Variants in PCDHA2 observed in about 807,000 individuals in gnomAD.
PCDHA2 encodes protocadherin alpha-2.
Under a neutral mutation model 66.0 loss-of-function variants are expected in PCDHA2, and 58 were observed. The ratio of observed to expected loss-of-function variants is 0.88; its 90% CI spans 0.71 to 1.09. The LOEUF (loss-of-function observed/expected upper bound fraction) is 1.09. PCDHA2 is among the 50% of genes least tolerant of loss of function. PCDHA2 has a pLI of 0.00. For synonymous variants in PCDHA2, 634 were observed against 554.0 expected (o/e 1.14, Z -2.03); for missense variants, 1,267 against 1,242.3 (o/e 1.02, Z -0.30).
At chr5:140,935,232 A>G (rs2090253350) in intron 1 of PCDHA2, among the ~76,000 whole-genome samples, 1 of 152,110 alleles carries the variant, frequency 6.6e-6, no homozygotes, top group African/African-American at 2.4e-5. Context: ...AGGGATGTCT[A>G]TTTTTTAAAA....
Position 140,893,497 on chromosome 5 carries a change from GA to G in PCDHA2, c.2389-85443del, listed in dbSNP as rs1157700367. Among the ~76,000 whole-genome samples the G allele has an allele frequency of 3.1e-4, 47 of 150,168 alleles. No individual in the cohort carries two copies. The Middle Eastern group carries it at 0.01, about 33-fold the overall frequency. ...GCAAGACCCTGTTCTTCACAAAAAAGAAAAAAAAAGCAGTTGTAGAACTCCT... is the reference window on the plus strand; with the variant it reads ...GCAAGACCCTGTTCTTCACAAAAAAGAAAAAAAAGCAGTTGTAGAACTCCT... On this transcript the variant is annotated intron_variant, in intron 1 of 3. Transcript: ENST00000526136.
rs1554120815 is a variant in PCDHA2, at chr5:140,799,008, A to G, written c.2388+1656A>G. The stretch of plus-strand genomic sequence containing the variant: ...CATTTCCAAGTAATACTTGACCACT[A>G]TGTTTCTACCATAGGTAAATGATAA... On this transcript the variant is annotated intron_variant, in intron 1 of 3. Transcript: ENST00000526136. 3.3e-5 allele frequency among the ~76,000 whole-genome samples: 5 copies of G among 152,212 alleles called. No homozygotes were observed. The South Asian group carries it at 6.2e-4, about 19-fold the overall frequency.
chr5:140,921,364 T>G (rs2080173595), intron 1 of PCDHA2, among the ~76,000 whole-genome samples: 1 of 152,196 alleles, frequency 6.6e-6, no homozygotes, highest in Non-Finnish European at 1.5e-5. Flanking sequence ...TATTCAAGTT[T>G]CATATTTCTA....
intron 1 of PCDHA2, among the ~76,000 whole-genome samples, chr5:140,940,595 G>A (rs1233586288): frequency 2.0e-5 from 3 of 152,100 alleles, no homozygotes; most frequent in East Asian, 1.9e-4. Context: ...TTTCAGGCAT[G>A]AGCCGCTGCT....
chr5:140,876,954 G>T (rs1554169149), intron 1 of PCDHA2: 1 of 1,613,432 alleles, frequency 6.2e-7, no homozygotes, highest in Non-Finnish European at 8.5e-7. Context: ...CCTACTCGCT[G>T]GTGGAGCGGC....
chr5:140,828,847 C>A (rs2150159691), intron 1 of PCDHA2: 10 of 1,614,168 alleles, frequency 6.2e-6, no homozygotes, highest in Non-Finnish European at 8.5e-6. Flanking sequence ...TAAGAATATT[C>A]GAAAATGCAG....
rs1779165164 is a variant in PCDHA2, at chr5:140,843,975, T to C, written c.2388+46623T>C. ...TTTTTACTGAATATTTATTTTGGCCTGCCTTACAGCCGTCTTCTCTGAACA... is the reference window on the plus strand; with the variant it reads ...TTTTTACTGAATATTTATTTTGGCCCGCCTTACAGCCGTCTTCTCTGAACA... On this transcript the variant is annotated intron_variant, in intron 1 of 3. Transcript: ENST00000526136. 1.3e-5 allele frequency among the ~76,000 whole-genome samples: 2 copies of C among 149,640 alleles called. 1 individual carries two copies. The highest frequency in any genetic ancestry group is 3.0e-5 in the Non-Finnish European group (2 of 66,898).
intron 1 of PCDHA2, chr5:140,852,251 G>A: frequency 1.9e-6 from 1 of 527,556 alleles, no homozygotes; most frequent in Non-Finnish European, 2.5e-6. Flanking sequence ...ACACACTTTT[G>A]GAATATGCTA....
Position 140,852,587 on chromosome 5 carries a change from T to TTA in PCDHA2, c.2388+55236_2388+55237insAT, listed in dbSNP as rs201827177. On this transcript the variant is annotated intron_variant, in intron 1 of 3. Coordinates refer to ENST00000526136, the MANE Select transcript of PCDHA2 (RefSeq NM_018905.3). ...CACTGTGCCAAGGCTTTTTTATTTTTTTTTTTTGTCATTTTCTTTCAAAAC... is the reference window on the plus strand; with the variant it reads ...CACTGTGCCAAGGCTTTTTTATTTTTTATTTTTTTGTCATTTTCTTTCAAAAC... The TTA allele has an allele frequency of 1.9e-3, 1,677 of 881,866 alleles. 105 individuals carry two copies. The African/African-American group carries it at 0.023, about 12-fold the overall frequency. 54.6% of individuals were successfully genotyped at this position (881,866 alleles called of 1,614,324 possible). A position where few individuals can be genotyped will look rare whatever the true frequency, so the allele number is the denominator to read the frequency against.
chr5:140,874,676 G>A (rs1487161384), intron 1 of PCDHA2, among the ~76,000 whole-genome samples: 4 of 152,136 alleles, frequency 2.6e-5, no homozygotes, highest in African/African-American at 9.7e-5. Context: ...CTATTCCTGA[G>A]ATTTGTTTTA....
At chr5:140,941,290 T>A (rs1403658442) in intron 1 of PCDHA2, among the ~76,000 whole-genome samples, 1 of 69,836 alleles carries the variant, frequency 1.4e-5, no homozygotes, top group Non-Finnish European at 3.3e-5. Flanking sequence ...TCCTTTCTCT[T>A]TCTTTCTTTC....
Position 140,857,204 on chromosome 5 carries a change from T to C in PCDHA2, c.2388+59852T>C, listed in dbSNP as rs202111737. On this transcript the variant is annotated intron_variant, in intron 1 of 3. Coordinates refer to ENST00000526136, the MANE Select transcript of PCDHA2 (RefSeq NM_018905.3). ...TTCAGGAGCCAACGGACAGGTCACC[T>C]GCTCTCTGACGCCTCACGTTCCGTT... 221 of 1,598,644 alleles carry C rather than the reference T, an allele frequency of 1.4e-4. 20 individuals are homozygous for C. The highest frequency in any genetic ancestry group is 2.4e-4 in the Admixed American group (14 of 59,320).
In PCDHA2 at chr5:140,842,728, G is replaced by A. The variant is rs2150343168; in HGVS notation, c.2388+45376G>A. 2 of 1,595,050 alleles carry A rather than the reference G, an allele frequency of 1.3e-6. 1 individual carries two copies. Reference sequence around the variant, plus strand: ...CGGTGTTCGTGAAGGAGAACAACCCGCCGGGCTGCCACATCTTCACGGTGT... The same window carrying A: ...CGGTGTTCGTGAAGGAGAACAACCCACCGGGCTGCCACATCTTCACGGTGT... On this transcript the variant is annotated intron_variant, in intron 1 of 3. Transcript: ENST00000526136.
chr5:140,982,545 G>C lies in PCDHA2; in HGVS notation c.2518G>C (p.Val840Leu), dbSNP rs782544627. The change falls in exon 3 of 4, where the codon GTA becomes CTA. Residue 840 changes from valine (V) to leucine (L), a missense_variant. Val to Leu is a conservative substitution (Grantham distance 32). Transcript: ENST00000526136. The stretch of plus-strand genomic sequence containing the variant: ...AGGGCCTGATCAGCAGTGGCCAACA[G>C]TATCCAGTGCAACACCAGGTAAAGA... ...PGGPDQQWPT[V>L]SSATPEPEAG... The C allele has an allele frequency of 6.2e-6, 10 of 1,614,088 alleles. No individual in the cohort carries two copies. The East Asian group carries it at 2.2e-4, about 36-fold the overall frequency.
intron 1 of PCDHA2, chr5:140,829,845 T>C (rs2150176027): frequency 1.3e-5 from 21 of 1,613,782 alleles, no homozygotes; most frequent in Non-Finnish European, 8.5e-7. Context: ...CCGCGGTCAC[T>C]GGGTGCAGGC....
At chr5:140,926,754 C>G in intron 1 of PCDHA2, 1 of 1,283,492 alleles carries the variant, frequency 7.8e-7, no homozygotes, top group South Asian at 2.2e-5. Flanking sequence ...TCGGCGGTCG[C>G]TGAGTATCCA....
intron 1 of PCDHA2, chr5:140,870,750 G>C: frequency 1.2e-6 from 2 of 1,613,506 alleles, no homozygotes; most frequent in Non-Finnish European, 1.7e-6. Flanking sequence ...GCAACGTGAC[G>C]CTGCAGGTGT....
intron 1 of PCDHA2, among the ~76,000 whole-genome samples, chr5:140,938,718 G>A (rs1186763511): frequency 5.3e-5 from 8 of 151,986 alleles, no homozygotes; most frequent in Non-Finnish European, 1.0e-4. Flanking sequence ...ATAGAAACGC[G>A]TTTCTACAGA....
intron 1 of PCDHA2, among the ~76,000 whole-genome samples, chr5:140,962,950 C>T (rs2095723700): frequency 6.6e-6 from 1 of 152,152 alleles, no homozygotes; most frequent in African/African-American, 2.4e-5. Flanking sequence ...ATAAGATATG[C>T]TCTATCCCTA....
Sources: allele counts gnomAD v4.1 joint callset (sites outside exome capture counted in the v4.1 genomes callset), GRCh38; gene constraint gnomAD v4.1.1; transcripts MANE v1.5; gene names NCBI Gene and HGNC (gene_info 2026-07-23, HGNC 2026-07-21).